INPP4B: variants seen among roughly 807,000 people sequenced by gnomAD.
INPP4B encodes the protein inositol polyphosphate 4-phosphatase type II.
Under a neutral mutation model 122.5 loss-of-function variants are expected in INPP4B, and 55 were observed. The ratio of observed to expected loss-of-function variants is 0.45; its 90% CI spans 0.36 to 0.56. The LOEUF (loss-of-function observed/expected upper bound fraction) is 0.56. Ranked by LOEUF, INPP4B falls within the 20% of genes least tolerant of loss-of-function variation. The pLI is 0.00. For synonymous variants in INPP4B, 403 were observed against 388.7 expected, an observed-to-expected ratio of 1.04 and a Z score of -0.43; for missense variants, 1,000 against 1,097.7, an observed-to-expected ratio of 0.91 and a Z score of 1.26.
At position 142,026,628 on chromosome 4, in the gene INPP4B, A is replaced by C. The variant is rs1330605810; in HGVS notation, c.*2154T>G. 1 of 152,216 alleles carries C rather than the reference A, an allele frequency of 6.6e-6. No homozygotes were observed. Among genetic ancestry groups the C allele is most frequent in the Non-Finnish European group, 1.5e-5 (1 of 68,106 alleles). The allele number at this position is 152,216 out of a possible 1,614,324, so 9.4% of individuals were successfully genotyped here. On this transcript the variant is annotated 3_prime_UTR_variant, in exon 26 of 26. Coordinates refer to ENST00000262992, the MANE Select transcript of INPP4B (RefSeq NM_001101669.3). ...ATTACACGTGTGTGCCACCACATCC[A>C]GCTAATTTTTGTATCTTTAGTAGAG...
In INPP4B at chr4:142,450,468, A is replaced by C. The variant is rs541378575; in HGVS notation, c.-127+12195T>G. Among the ~76,000 whole-genome samples the C allele has an allele frequency of 2.6e-4, 40 of 152,300 alleles. 1 individual carries two copies. Among genetic ancestry groups the C allele is most frequent in the African/African-American group, 9.6e-4 (40 of 41,574 alleles). ...AGAGATAGAATCAATTCTATAAAAT[A>C]CCATTGACTAGAACATCACACTTCC... On this transcript the variant is annotated intron_variant, in intron 3 of 25. Coordinates refer to ENST00000262992, the MANE Select transcript of INPP4B (RefSeq NM_001101669.3).
chr4:142,671,478 C>G (rs990404581), intron 2 of INPP4B, among the ~76,000 whole-genome samples: 1 of 152,074 alleles, frequency 6.6e-6, no homozygotes, highest in African/African-American at 2.4e-5. Flanking sequence ...TCTGGGAATC[C>G]TTCCCACCTT....
chr4:142,413,995 G>T (rs1372187460), intron 5 of INPP4B, among the ~76,000 whole-genome samples: 1 of 152,072 alleles, frequency 6.6e-6, no homozygotes, highest in Non-Finnish European at 1.5e-5. Flanking sequence ...CGGAGTTATT[G>T]AGGAATATAG....
At chr4:142,051,308 CT>C (rs1413643020) in intron 25 of INPP4B, among the ~76,000 whole-genome samples, 1 of 151,826 alleles carries the variant, frequency 6.6e-6, no homozygotes, top group Non-Finnish European at 1.5e-5. Flanking sequence ...CTTAAATTGC[CT>C]AGTTTTCTAA....
chr4:142,445,136 C>A (rs1219532685), intron 3 of INPP4B, among the ~76,000 whole-genome samples: 2 of 151,916 alleles, frequency 1.3e-5, no homozygotes, highest in Admixed American at 1.3e-4. Context: ...ACCTATGTAA[C>A]AAACCTACAC....
At chr4:142,811,543 C>CA (rs758545648) in intron 1 of INPP4B, among the ~76,000 whole-genome samples, 2 of 152,170 alleles carry the variant, frequency 1.3e-5, no homozygotes, top group East Asian at 3.9e-4. Flanking sequence ...GACAGCTTCC[C>CA]AGAAATAGTA....
chr4:142,603,565 T>C (rs971561534), intron 2 of INPP4B, among the ~76,000 whole-genome samples: 1 of 151,702 alleles, frequency 6.6e-6, no homozygotes, highest in Admixed American at 6.6e-5. Flanking sequence ...AAAAAGATCA[T>C]CAGAGACTAT....
intron 2 of INPP4B, among the ~76,000 whole-genome samples, chr4:142,718,439 G>A (rs560803509): frequency 8.5e-5 from 13 of 152,248 alleles, no homozygotes; most frequent in African/African-American, 2.4e-4. Context: ...TGCCCCAATC[G>A]GATCTTATTC....
At chr4:142,360,317 T>G (rs1416277284) in intron 7 of INPP4B, among the ~76,000 whole-genome samples, 1 of 151,930 alleles carries the variant, frequency 6.6e-6, no homozygotes, top group East Asian at 1.9e-4. Context: ...ACTTGCTCAC[T>G]TAAGACTTTT....
In INPP4B at chr4:142,482,873, C is replaced by T. The variant is rs1265878512; in HGVS notation, c.-190-20147G>A. Among the ~76,000 whole-genome samples, 4 of 152,026 alleles carry T rather than the reference C, an allele frequency of 2.6e-5. No individual in the cohort carries two copies. In the East Asian group the frequency reaches 7.7e-4, roughly 29 times the overall value. On this transcript the variant is annotated intron_variant, in intron 2 of 25. Transcript: ENST00000262992. Reference sequence around the variant, plus strand: ...TACAATTCCCATTGGGTTGTAAATTCTATAAGGAGAAGAGATCATGTGCAT... The same window carrying T: ...TACAATTCCCATTGGGTTGTAAATTTTATAAGGAGAAGAGATCATGTGCAT...
intron 25 of INPP4B, among the ~76,000 whole-genome samples, chr4:142,039,565 G>A (rs1174192041): frequency 2.0e-5 from 3 of 151,768 alleles, no homozygotes; most frequent in East Asian, 1.9e-4. Context: ...TTAGGAAAGT[G>A]GCCTGGTATG....
rs183291101 is a variant in INPP4B at position 142,042,657 on chromosome 4, G to T, written c.2643-13743C>A. On this transcript the variant is annotated intron_variant, in intron 25 of 25. Transcript: ENST00000262992. Reference sequence around the variant, plus strand: ...AGCTCACTGCAACCTCCGCCTCCCGGGTTCAAGCGATTCTCCTGCCTCAGC... The same window carrying T: ...AGCTCACTGCAACCTCCGCCTCCCGTGTTCAAGCGATTCTCCTGCCTCAGC... Among the ~76,000 whole-genome samples the T allele has an allele frequency of 7.9e-3, 1,208 of 152,174 alleles. 10 individuals are homozygous for T. The highest frequency in any genetic ancestry group is 9.3e-3 in the Non-Finnish European group (630 of 68,002).
At chr4:142,687,019 G>GA (rs910865510) in intron 2 of INPP4B, among the ~76,000 whole-genome samples, 28 of 151,906 alleles carry the variant, frequency 1.8e-4, no homozygotes, top group African/African-American at 6.8e-4. Flanking sequence ...AATTTCAGGA[G>GA]AAAAAAAATT....
At chr4:142,523,370 G>A (rs765790990) in intron 2 of INPP4B, among the ~76,000 whole-genome samples, 1 of 152,122 alleles carries the variant, frequency 6.6e-6, no homozygotes, top group Admixed American at 6.6e-5. Context: ...TGAACATGAT[G>A]TAAGAGGATT....
chr4:142,276,009 A>G (rs562805037), intron 9 of INPP4B, among the ~76,000 whole-genome samples: 1 of 151,742 alleles, frequency 6.6e-6, no homozygotes, highest in East Asian at 1.9e-4. Flanking sequence ...CCACATTAGT[A>G]GCACATCATT....
rs112405554 is a variant in INPP4B, at chr4:142,329,127, C to T, written c.373-14365G>A. On this transcript the variant is annotated intron_variant, in intron 7 of 25. Coordinates refer to ENST00000262992, the MANE Select transcript of INPP4B (RefSeq NM_001101669.3). ...GAACTACATTCTAGCATCAGGAAGA[C>T]ATGGACAATATCAAAATGTGTAAAG... 4.1e-3 allele frequency among the ~76,000 whole-genome samples: 630 copies of T among 152,314 alleles called. 7 individuals are homozygous for T. The highest frequency in any genetic ancestry group is 0.014 in the African/African-American group (583 of 41,566).
intron 10 of INPP4B, among the ~76,000 whole-genome samples, chr4:142,265,057 A>G (rs1368968740): frequency 3.3e-5 from 5 of 152,034 alleles, no homozygotes; most frequent in African/African-American, 9.7e-5. Context: ...AGAAGGTAGC[A>G]AGAAGGCAGC....
chr4:142,327,185 A>G (rs1258741694), intron 7 of INPP4B, among the ~76,000 whole-genome samples: 1 of 152,222 alleles, frequency 6.6e-6, no homozygotes, highest in East Asian at 1.9e-4. Context: ...TGAACGAGCC[A>G]TTAGACAGAA....
At chr4:142,405,350 G>T in intron 5 of INPP4B, 26 bp from the exon 6 acceptor site, 1 of 1,347,692 alleles carries the variant, frequency 7.4e-7, no homozygotes, top group Non-Finnish European at 1.1e-6. Context: ...GAGACAGAAA[G>T]AAAAGAAACT....
Sources: gnomAD v4.1 joint callset for allele counts (sites outside exome capture counted in the v4.1 genomes callset) on GRCh38, gnomAD v4.1.1 for gene constraint, MANE v1.5 for transcripts, NCBI Gene and HGNC (gene_info 2026-07-23, HGNC 2026-07-21) for gene names.